Variants in SCLT1 observed in about 807,000 individuals in gnomAD.
SCLT1 encodes sodium channel-associated protein 1.
A neutral mutation model predicts 112.8 loss-of-function variants in SCLT1; 78 were observed. That is an observed-to-expected ratio of 0.69 (90% CI 0.58 to 0.83). The LOEUF (loss-of-function observed/expected upper bound fraction) is 0.83, where lower values mean the gene tolerates loss of function less well. Ranked by LOEUF, SCLT1 falls within the 40% of genes least tolerant of loss-of-function variation. The pLI is 0.00. For synonymous variants in SCLT1, 257 were observed against 254.7 expected, an observed-to-expected ratio of 1.01 and a Z score of -0.09; for missense variants, 747 against 770.4, an observed-to-expected ratio of 0.97 and a Z score of 0.36.
At chr4:129,079,385 T>C (rs1751737175) in intron 2 of SCLT1, among the ~76,000 whole-genome samples, 1 of 152,120 alleles carries the variant, frequency 6.6e-6, no homozygotes, top group African/African-American at 2.4e-5. Flanking sequence ...ATTGGGTAAA[T>C]ACTCCCTTTC....
At chr4:129,009,379 TG>T (rs1744317833) in intron 5 of SCLT1, among the ~76,000 whole-genome samples, 1 of 151,990 alleles carries the variant, frequency 6.6e-6, no homozygotes, top group African/African-American at 2.4e-5. Flanking sequence ...CCAGGCATGG[TG>T]GTGGGCACCT....
chr4:129,027,371 T>C (rs1038713557), intron 5 of SCLT1, among the ~76,000 whole-genome samples: 8 of 152,188 alleles, frequency 5.3e-5, no homozygotes, highest in Admixed American at 5.2e-4. Context: ...GTGGGCTTCA[T>C]CCCTGGGATG....
intron 16 of SCLT1, among the ~76,000 whole-genome samples, chr4:128,945,342 C>G (rs1169569287): frequency 6.6e-6 from 1 of 152,036 alleles, no homozygotes; most frequent in Non-Finnish European, 1.5e-5. Flanking sequence ...ACCAGCTCCT[C>G]CTGCAGGTTT....
chr4:128,934,435 A>AGGTATATT (rs1404929860), intron 18 of SCLT1, among the ~76,000 whole-genome samples: 1 of 151,832 alleles, frequency 6.6e-6, no homozygotes, highest in Non-Finnish European at 1.5e-5. Context: ...GTGAATCTAT[A>AGGTATATT]GGTATATTGG....
At chr4:129,041,270 G>A (rs980186666) in intron 4 of SCLT1, among the ~76,000 whole-genome samples, 2 of 151,960 alleles carry the variant, frequency 1.3e-5, no homozygotes, top group Non-Finnish European at 2.9e-5. Context: ...AATAACTACA[G>A]GCTAAAAAAT....
chr4:128,884,638 TG>T (rs1732754486), intron 20 of SCLT1, 99 bp from the exon 21 acceptor site: 1 of 736,824 alleles, frequency 1.4e-6, no homozygotes, highest in Non-Finnish European at 2.3e-6. Context: ...AGTACTGAAA[TG>T]GTCTTATTGG....
chr4:128,887,242 C>T (rs1022767104), intron 20 of SCLT1, among the ~76,000 whole-genome samples: 3 of 152,154 alleles, frequency 2.0e-5, no homozygotes, highest in Non-Finnish European at 2.9e-5. Context: ...AACCTAAATA[C>T]ATTCTTGCAT....
downstream of SCLT1, among the ~76,000 whole-genome samples, chr4:128,879,030 TGAC>T (rs1328383588): frequency 6.6e-6 from 1 of 151,564 alleles, no homozygotes; most frequent in East Asian, 1.9e-4. Flanking sequence ...CTAATGTAAA[TGAC>T]GAGTTAATGG....
intron 18 of SCLT1, among the ~76,000 whole-genome samples, chr4:128,926,677 T>C (rs969362923): frequency 1.3e-5 from 2 of 152,090 alleles, no homozygotes; most frequent in Non-Finnish European, 2.9e-5. Context: ...TTCAGTAATA[T>C]ACAATAAATA....
At chr4:128,896,032 TGGCCA>T (rs1368542475) in intron 18 of SCLT1, among the ~76,000 whole-genome samples, 3 of 152,174 alleles carry the variant, frequency 2.0e-5, no homozygotes, top group Non-Finnish European at 4.4e-5. Flanking sequence ...GTAAACAAAG[TGGCCA>T]GGAAGCTCAA....
intron 13 of SCLT1, among the ~76,000 whole-genome samples, chr4:128,954,187 C>T (rs933216613): frequency 1.3e-5 from 2 of 151,994 alleles, no homozygotes; most frequent in South Asian, 2.1e-4. Flanking sequence ...ACAAGATGGA[C>T]TATTTTGAAA....
At chr4:129,092,880 T>C (rs1411554547) in intron 1 of SCLT1, among the ~76,000 whole-genome samples, 190 bp downstream of exon 1, 3 of 152,202 alleles carry the variant, frequency 2.0e-5, no homozygotes, top group Non-Finnish European at 4.4e-5. Context: ...CTACAAGTAC[T>C]ACCACACGGT....
chr4:129,071,462 T>C (rs922951267), intron 2 of SCLT1, among the ~76,000 whole-genome samples: 1 of 152,224 alleles, frequency 6.6e-6, no homozygotes, highest in Non-Finnish European at 1.5e-5. Flanking sequence ...GAAGCTCCAG[T>C]GTTAGGTGCA....
At chr4:128,894,620 A>G (rs998674070) in intron 18 of SCLT1, among the ~76,000 whole-genome samples, 2 of 152,090 alleles carry the variant, frequency 1.3e-5, no homozygotes, top group Non-Finnish European at 2.9e-5. Flanking sequence ...TTATACTGAC[A>G]TCTCAGCCCT....
chr4:128,873,271 AAGAAAAAAAGAAAAAAAAAAG>A (rs1560788826), intron 5 of SCLT1: 2 of 105,810 alleles, frequency 1.9e-5, no homozygotes, highest in African/African-American at 6.2e-5. Flanking sequence ...AAAAAAAAAA[AAGAAAAAAAGAAAAAAAAAAG>A]AAAAAAGAAA....
chr4:128,950,244 T>C (rs1393279133), intron 14 of SCLT1, among the ~76,000 whole-genome samples: 1 of 152,168 alleles, frequency 6.6e-6, no homozygotes, highest in Non-Finnish European at 1.5e-5. Context: ...TAACAAAGTC[T>C]GGCTCACACT....
chr4:128,975,039 A>ATTTTTTTTTTTTTTTTTTTTT (rs1579564140), intron 9 of SCLT1, among the ~76,000 whole-genome samples: 2 of 60,130 alleles, frequency 3.3e-5, no homozygotes, highest in Non-Finnish European at 5.7e-5. Flanking sequence ...TTGAATGACA[A>ATTTTTTTTTTTTTTTTTTTTT]CTTTTTTTTT....
At chr4:128,876,233 A>G (rs548723087) in intron 4 of SCLT1, among the ~76,000 whole-genome samples, 1 of 152,324 alleles carries the variant, frequency 6.6e-6, no homozygotes, top group South Asian at 2.1e-4. Flanking sequence ...AGAAAAAACA[A>G]TTATTCGTAC....
chr4:129,043,415 C>A lies in SCLT1; in HGVS notation c.214G>T (p.Gly72Trp). The A allele has an allele frequency of 6.5e-7, 1 of 1,535,348 alleles. No homozygotes were observed. Among genetic ancestry groups the A allele is most frequent in the South Asian group, 1.2e-5 (1 of 85,344 alleles). Residue 72 changes from glycine to tryptophan, a missense_variant, in exon 4 of 21, where the codon GGG becomes TGG. This residue lies in a region of SCLT1 where 723 missense variants were observed against 721.3 expected (regional missense o/e 1.00). Coordinates refer to ENST00000281142, the MANE Select transcript of SCLT1 (RefSeq NM_144643.4). The part of the protein sequence containing the change: ...EYDKHLGELN[G>W]QLKYYQKQVG... ...CATACCTGGTAATATTTCAGCTGCC[C>A]ATTTAGTTCTCCTAGGTGTTTATCA...
Sources: allele counts gnomAD v4.1 joint callset (sites outside exome capture counted in the v4.1 genomes callset), GRCh38; gene constraint gnomAD v4.1.1; regional missense constraint gnomAD v4.1.1; transcripts MANE v1.5; gene names NCBI Gene and HGNC (gene_info 2026-07-23, HGNC 2026-07-21).